Variants in LIG1 observed in about 807,000 individuals in gnomAD.
LIG1 encodes the protein ligase I, DNA, ATP-dependent.
Under a neutral mutation model 115.7 loss-of-function variants are expected in LIG1, and 70 were observed. The ratio of observed to expected loss-of-function variants is 0.60; its 90% CI spans 0.50 to 0.74. The LOEUF (loss-of-function observed/expected upper bound fraction) is 0.74, where lower values mean the gene tolerates loss of function less well. LIG1 is among the 30% of genes least tolerant of loss of function. The pLI, the probability that LIG1 is intolerant of heterozygous loss-of-function variation, is 0.00. For missense variants in LIG1, 1,115 were observed against 1,225.6 expected, an observed-to-expected ratio of 0.91 and a Z score of 1.35; for synonymous variants, 487 against 495.3, an observed-to-expected ratio of 0.98 and a Z score of 0.22.
intron 15 of LIG1, 117 bp from the exon 16 acceptor site, chr19:48,135,896 C>CT (rs2034351953): frequency 3.3e-6 from 3 of 916,138 alleles, no homozygotes; most frequent in African/African-American, 3.2e-5. Context: ...AAGACGCCCC[C>CT]TCCCCCCCAC....
intron 23 of LIG1, among the ~76,000 whole-genome samples, chr19:48,121,627 C>A (rs2033283439): frequency 6.6e-6 from 1 of 152,100 alleles, no homozygotes; most frequent in Non-Finnish European, 1.5e-5. Context: ...CATGGAGAAA[C>A]CCCGTCTCTA....
At chr19:48,148,323 A>T (rs1280105947) in intron 9 of LIG1, among the ~76,000 whole-genome samples, 1 of 152,060 alleles carries the variant, frequency 6.6e-6, no homozygotes, top group Non-Finnish European at 1.5e-5. Flanking sequence ...AAAATACAAA[A>T]ATTAGCCAGG....
intron 17 of LIG1, 43 bp downstream of exon 17, chr19:48,133,938 G>A (rs1269578642): frequency 2.7e-6 from 4 of 1,500,140 alleles, no homozygotes; most frequent in Non-Finnish European, 3.6e-6. Flanking sequence ...TCAGGAGGGA[G>A]CAGGGCTGCT....
intron 5 of LIG1, chr19:48,154,363 G>C (rs274860): frequency 1.3e-5 from 4 of 304,640 alleles, no homozygotes; most frequent in African/African-American, 8.7e-5. Context: ...AAGTGGCAGG[G>C]AATAAACTAG....
At chr19:48,143,707 C>G in intron 10 of LIG1, 108 bp from the exon 11 acceptor site, 2 of 1,129,414 alleles carry the variant, frequency 1.8e-6, no homozygotes. Flanking sequence ...TGCCAATACC[C>G]AAATGCATGA....
chr19:48,163,270 G>A (rs1344443168), intron 2 of LIG1, among the ~76,000 whole-genome samples: 1 of 139,684 alleles, frequency 7.2e-6, no homozygotes, highest in African/African-American at 2.7e-5. Flanking sequence ...GCCCAAGGGT[G>A]GAGTGCAATG....
chr19:48,160,754 G>A (rs1395824678), intron 4 of LIG1, among the ~76,000 whole-genome samples: 2 of 150,332 alleles, frequency 1.3e-5, no homozygotes, highest in Non-Finnish European at 3.0e-5. Context: ...TTTTTTTGAA[G>A]CAAGGTCTTG....
chr19:48,130,120 G>A (rs966537180), intron 19 of LIG1, among the ~76,000 whole-genome samples: 2 of 152,194 alleles, frequency 1.3e-5, no homozygotes, highest in African/African-American at 4.8e-5. Context: ...TCGGTTACTT[G>A]GGTGTATGAA....
chr19:48,143,709 A>C, intron 10 of LIG1, 110 bp from the exon 11 acceptor site: 2 of 1,088,090 alleles, frequency 1.8e-6, no homozygotes, highest in South Asian at 2.5e-5. Context: ...CCAATACCCA[A>C]ATGCATGAGC....
At chr19:48,139,059 C>A (rs2034573348) in intron 12 of LIG1, among the ~76,000 whole-genome samples, 1 of 152,184 alleles carries the variant, frequency 6.6e-6, no homozygotes, top group African/African-American at 2.4e-5. Context: ...TCCAGTGCTC[C>A]CAGCACATCC....
Position 48,150,120 on chromosome 19 carries a change from C to A in LIG1, c.665G>T (p.Arg222Leu), listed in dbSNP as rs1298186047. Reference sequence around the variant, plus strand: ...GCTGCTGAGCGTCTTGGGAGCTCTGCGGGGAGGCTTGGTCTGCTCTTCCTC... The same window carrying A: ...GCTGCTGAGCGTCTTGGGAGCTCTGAGGGGAGGCTTGGTCTGCTCTTCCTC... ...QEEEEQTKPPRRAPKTLSSFF... is the reference protein window; with the variant it reads ...QEEEEQTKPPLRAPKTLSSFF... The change falls in exon 8 of 28, where the codon CGC becomes CTC. Residue 222 changes from arginine to leucine, a missense_variant. By Grantham distance (102) the Arg-to-Leu change is moderately radical. Transcript: ENST00000263274. 3 of 1,614,168 alleles carry A rather than the reference C, an allele frequency of 1.9e-6. No individual in the cohort carries two copies. Among genetic ancestry groups the A allele is most frequent in the African/African-American group, 1.3e-5 (1 of 75,062 alleles).
rs559938315 is a variant in LIG1, at chr19:48,165,200, A to G, written c.17+350T>C. 2.0e-5 allele frequency among the ~76,000 whole-genome samples: 3 copies of G among 152,222 alleles called. No individual in the cohort carries two copies. In the South Asian group the frequency reaches 6.2e-4, roughly 32 times the overall value. On this transcript the variant is annotated intron_variant, in intron 2 of 27. Transcript: ENST00000263274. ...CTTGAACTCATGAGGCGGAGGTTGC[A>G]GTGAGCCGAGATTGCGCCACTGTAC...
chr19:48,168,825 T>G (rs1343684738), intron 1 of LIG1, among the ~76,000 whole-genome samples: 1 of 152,232 alleles, frequency 6.6e-6, no homozygotes, highest in Non-Finnish European at 1.5e-5. Context: ...ACCACTGACT[T>G]GTACACTTTA....
Position 48,153,909 on chromosome 19 carries a change from G to A in LIG1, c.429C>T (p.Asp143=), listed in dbSNP as rs770906282. Residue 143 remains aspartate (D), a synonymous_variant, in exon 6 of 28, where the codon GAC becomes GAT. Coordinates refer to ENST00000263274, the MANE Select transcript of LIG1 (RefSeq NM_000234.3). The part of the protein sequence containing the change: ...IQEVLEEQSE[D]EDREAKRKKE... ...TCTTCCTCTTGGCTTCTCTGTCCTCGTCCTCACTCTGCTCTTCCAGGACTT... is the reference window on the plus strand; with the variant it reads ...TCTTCCTCTTGGCTTCTCTGTCCTCATCCTCACTCTGCTCTTCCAGGACTT... 11 of 1,610,276 alleles carry A rather than the reference G, an allele frequency of 6.8e-6. No homozygotes were observed. Among genetic ancestry groups the A allele is most frequent in the Non-Finnish European group, 9.3e-6 (11 of 1,178,546 alleles).
intron 1 of LIG1, among the ~76,000 whole-genome samples, chr19:48,168,011 T>C (rs2036573477): frequency 6.6e-6 from 1 of 152,058 alleles, no homozygotes; most frequent in African/African-American, 2.4e-5. Context: ...TTACGATCCC[T>C]CCTGAGTGCT....
intron 15 of LIG1, 112 bp from the exon 16 acceptor site, chr19:48,135,891 G>GCCCCCCCCC: frequency 4.3e-6 from 4 of 928,734 alleles, no homozygotes; most frequent in Non-Finnish European, 6.8e-6. Context: ...GGCCCAAGAC[G>GCCCCCCCCC]CCCCCTCCCC....
In LIG1 at chr19:48,137,094, CAG is replaced by C. The variant is rs2034441741; in HGVS notation, c.1255-12_1255-11del. The C allele has an allele frequency of 6.2e-7, 1 of 1,610,420 alleles. No individual in the cohort carries two copies. The highest frequency in any genetic ancestry group is 8.5e-7 in the Non-Finnish European group (1 of 1,177,904). Reference sequence around the variant, plus strand: ...TCTTCTTGGCTGTGGACTGGAGAGTCAGGGGAAGAGCCGTCAGTGCCTGGTGA... The same window carrying C: ...TCTTCTTGGCTGTGGACTGGAGAGTCGGGAAGAGCCGTCAGTGCCTGGTGA... On this transcript the variant is annotated splice_polypyrimidine_tract_variant and intron_variant, in intron 13 of 27. Coordinates refer to ENST00000263274, the MANE Select transcript of LIG1 (RefSeq NM_000234.3). This position sits in a 1 kb window ranked among gnomAD's most constrained non-coding sequence, Gnocchi z 4.3.
chr19:48,147,932 G>T (rs1161125957), intron 9 of LIG1, among the ~76,000 whole-genome samples: 1 of 152,232 alleles, frequency 6.6e-6, no homozygotes, highest in Non-Finnish European at 1.5e-5. Context: ...GACTAAGAAG[G>T]CTGGGACCTC....
chr19:48,149,862 C>T (rs762531339), intron 8 of LIG1, 21 bp from the exon 9 acceptor site: 10 of 1,611,132 alleles, frequency 6.2e-6, no homozygotes, highest in Middle Eastern at 1.6e-4. Context: ...AGACAGAAAA[C>T]AGTGGGTCTT....
Sources: gnomAD v4.1 joint callset for allele counts (sites outside exome capture counted in the v4.1 genomes callset) on GRCh38, gnomAD v4.1.1 for gene constraint, Gnocchi (gnomAD v3.1) non-coding constraint, MANE v1.5 for transcripts, NCBI Gene and HGNC (gene_info 2026-07-23, HGNC 2026-07-21) for gene names.